The following KDM5C variants were observed in gnomAD, a reference collection of about 807,000 sequenced individuals.
KDM5C encodes the protein lysine-specific demethylase 5C.
In KDM5C, 16 loss-of-function variants were observed where a neutral mutation model predicts 110.6. The observed-to-expected ratio is 0.14, with a 90% CI of 0.10 to 0.22. The LOEUF is 0.22. Ranked by LOEUF, KDM5C falls within the 10% of genes least tolerant of loss-of-function variation. The pLI is 1.00. For missense variants in KDM5C, 681 were observed against 1,300.9 expected (o/e 0.52, Z 7.33); for synonymous variants, 511 against 520.4 (o/e 0.98, Z 0.24).
intron 12 of KDM5C, among the ~76,000 whole-genome samples, chrX:53,207,916 C>T (rs1356336249): frequency 1.2e-4 from 12 of 98,029 alleles, no homozygotes; most frequent in Non-Finnish European, 1.6e-4. Context: ...GAGCCGAGAT[C>T]GTGCCACTGC....
rs1934494063 is a variant in KDM5C, at chrX:53,192,618, G to C, written c.*349C>G. 4 of 702,755 alleles carry C rather than the reference G, an allele frequency of 5.7e-6. No homozygotes were observed. In the East Asian group the frequency reaches 1.4e-4, roughly 25 times the overall value. 57.9% of individuals were successfully genotyped at this position (702,755 alleles called of 1,213,427 possible). A position where few individuals can be genotyped will look rare whatever the true frequency, so the allele number is the denominator to read the frequency against. On this transcript the variant is annotated 3_prime_UTR_variant, in exon 26 of 26. Coordinates refer to ENST00000375401, the MANE Select transcript of KDM5C (RefSeq NM_004187.5). ...CCAGAACTGGGGAGAGAAGGGAGGA[G>C]AGTCCCCCAGTTTGCATATACACTG...
At chrX:53,184,827 A>G (rs1934172429) in intron 25 of KDM5C, among the ~76,000 whole-genome samples, 1 of 111,809 alleles carries the variant, frequency 8.9e-6, no homozygotes, top group East Asian at 2.8e-4. Context: ...ACTTTTCAGT[A>G]TGGGTACACT....
downstream of KDM5C, among the ~76,000 whole-genome samples, chrX:53,187,596 T>C (rs1437307800): frequency 3.6e-5 from 4 of 110,695 alleles, no homozygotes; most frequent in Non-Finnish European, 7.6e-5. Flanking sequence ...TGGGGACAGA[T>C]AACTTGCCTC....
intron 12 of KDM5C, among the ~76,000 whole-genome samples, chrX:53,205,117 T>C (rs1159757240): frequency 5.3e-5 from 6 of 112,479 alleles, no homozygotes; most frequent in African/African-American, 1.9e-4. Context: ...TAATCTGTCA[T>C]CTTTACTGAG....
At chrX:53,185,261 C>T (rs782428908) in intron 25 of KDM5C, among the ~76,000 whole-genome samples, 1 of 111,739 alleles carries the variant, frequency 8.9e-6, no homozygotes, top group African/African-American at 3.3e-5. Flanking sequence ...GTGCTACATC[C>T]GGCTCATAGA....
chrX:53,206,769 C>T (rs1477365544), intron 12 of KDM5C, among the ~76,000 whole-genome samples: 1 of 94,773 alleles, frequency 1.1e-5, no homozygotes, highest in African/African-American at 4.0e-5. Context: ...GAGGCTAAGG[C>T]GGAAGAATCG....
chrX:53,180,334 A>G, intron 25 of KDM5C, among the ~76,000 whole-genome samples: 1 of 111,796 alleles, frequency 8.9e-6, no homozygotes, highest in East Asian at 2.8e-4. Flanking sequence ...ACTACTCTGT[A>G]TGATACTATA....
chrX:53,187,640 C>G (rs1206644278), downstream of KDM5C, among the ~76,000 whole-genome samples: 1 of 111,591 alleles, frequency 9.0e-6, no homozygotes, highest in East Asian at 2.8e-4. Context: ...CACGGTGGCT[C>G]ATGCCTGTAA....
At position 53,196,852 on chromosome X, in the gene KDM5C, C is replaced by A; in HGVS notation, c.2815G>T (p.Ala939Ser). ...RWLDEVKRTL[A>S]PSARRGTLAV... is the part of the protein sequence containing the mutation. ...AAGGTGCCCCTTCGGGCTGAGGGGGCCAGTGTGCGTTTCACCTCATCCAGC... is the reference window on the plus strand; with the variant it reads ...AAGGTGCCCCTTCGGGCTGAGGGGGACAGTGTGCGTTTCACCTCATCCAGC... Residue 939 changes from alanine (A) to serine (S), a missense_variant, in exon 19 of 26, where the codon GCC becomes TCC. Physicochemically the swap from Ala to Ser is moderately conservative, Grantham distance 99. Transcript: ENST00000375401. The A allele has an allele frequency of 8.3e-7, 1 of 1,207,588 alleles. No individual in the cohort carries two copies. Among genetic ancestry groups the A allele is most frequent in the Non-Finnish European group, 1.1e-6 (1 of 893,061 alleles).
At chrX:53,199,289 C>G in intron 14 of KDM5C, 131 bp from the exon 15 acceptor site, 1 of 643,411 alleles carries the variant, frequency 1.6e-6, no homozygotes, top group South Asian at 2.5e-5. Context: ...AGGCCAAACC[C>G]CAGGGAGCAT....
rs1556851631 is a variant in KDM5C, at chrX:53,215,972, C to T, written c.786G>A (p.Lys262=). 4.1e-6 allele frequency: 5 copies of T among 1,211,907 alleles called. No individual in the cohort carries two copies. In the South Asian group the frequency reaches 8.8e-5, roughly 21 times the overall value. ...CTGTGGGGGGACACTCAGGCCCCTC[C>T]TTATCTGGGAGAGAGAAAAATGGCT... ...AKDKTLRKKD[K]EGPECPPTVV... Residue 262 remains lysine (K), a synonymous_variant, in exon 7 of 26, where the codon AAG becomes AAA. Coordinates refer to ENST00000375401, the MANE Select transcript of KDM5C (RefSeq NM_004187.5).
intron 12 of KDM5C, among the ~76,000 whole-genome samples, chrX:53,203,414 AATG>A (rs1402106169): frequency 8.1e-5 from 9 of 111,505 alleles, no homozygotes; most frequent in Admixed American, 2.9e-4. Flanking sequence ...TGATTTCATT[AATG>A]ATTTCATCCT....
chrX:53,205,026 T>C (rs1292661355), intron 12 of KDM5C, among the ~76,000 whole-genome samples: 1 of 112,195 alleles, frequency 8.9e-6, no homozygotes, highest in African/African-American at 3.2e-5. Context: ...TCCATCTCTG[T>C]AATTTTTTTC....
intron 1 of KDM5C, among the ~76,000 whole-genome samples, chrX:53,223,157 C>G (rs1330202854): frequency 8.9e-6 from 1 of 111,815 alleles, no homozygotes; most frequent in Non-Finnish European, 1.9e-5. Context: ...ACAAGGCCAG[C>G]CTGCCTAAGT....
intron 1 of KDM5C, among the ~76,000 whole-genome samples, chrX:53,221,393 C>T (rs1756123765): frequency 9.0e-6 from 1 of 111,583 alleles, no homozygotes; most frequent in Admixed American, 9.5e-5. Context: ...CTTTCTGAAC[C>T]TGTTTTCTCA....
downstream of KDM5C, among the ~76,000 whole-genome samples, chrX:53,186,406 G>C (rs1433777895): frequency 8.9e-6 from 1 of 112,067 alleles, no homozygotes; most frequent in Non-Finnish European, 1.9e-5. Flanking sequence ...AAGTGACCCA[G>C]GCAAGCTGAG....
intron 12 of KDM5C, among the ~76,000 whole-genome samples, chrX:53,203,131 T>C (rs2073201777): frequency 8.9e-6 from 1 of 111,908 alleles, no homozygotes; most frequent in Admixed American, 9.5e-5. Context: ...AAAACTCCCA[T>C]AGTTGTTGAC....
At chrX:53,217,369 C>CTG in intron 4 of KDM5C, 92 bp from the exon 5 acceptor site, 1 of 1,042,906 alleles carries the variant, frequency 9.6e-7, no homozygotes, top group South Asian at 2.0e-5. Flanking sequence ...GCATCCAAAG[C>CTG]TGTGGTCCAC....
In KDM5C at chrX:53,215,967, C is replaced by A. The variant is rs1556851628; in HGVS notation, c.791G>T (p.Gly264Val). The A allele has an allele frequency of 8.3e-7, 1 of 1,211,839 alleles. No homozygotes were observed. The highest frequency in any genetic ancestry group is 3.0e-5 in the East Asian group (1 of 33,840). Residue 264 changes from glycine to valine, a missense_variant, in exon 7 of 26, where the codon GGG (glycine) becomes GTG (valine). Coordinates refer to ENST00000375401, the MANE Select transcript of KDM5C (RefSeq NM_004187.5). ...DKTLRKKDKE[G>V]PECPPTVVVK... Reference sequence around the variant, plus strand: ...CACTACTGTGGGGGGACACTCAGGCCCCTCCTTATCTGGGAGAGAGAAAAA... The same window carrying A: ...CACTACTGTGGGGGGACACTCAGGCACCTCCTTATCTGGGAGAGAGAAAAA...
Sources: gnomAD v4.1 joint callset for allele counts (sites outside exome capture counted in the v4.1 genomes callset) on GRCh38, gnomAD v4.1.1 for gene constraint, MANE v1.5 for transcripts, NCBI Gene and HGNC (gene_info 2026-07-23, HGNC 2026-07-21) for gene names.